CDH12: variants seen among roughly 807,000 people sequenced by gnomAD.
CDH12 encodes the protein cadherin-12.
A neutral mutation model predicts 74.1 loss-of-function variants in CDH12; 41 were observed. That is an observed-to-expected ratio of 0.55 (90% CI 0.43 to 0.72). CDH12 has a LOEUF of 0.72. Among genes scored for constraint, CDH12 ranks in the 30% least tolerant of loss-of-function variants. The probability of loss-of-function intolerance (pLI) is 0.00; values close to 1 mark genes in which losing one functional copy is unlikely to be tolerated. For synonymous variants in CDH12, 399 were observed against 355.0 expected (o/e 1.12, Z -1.39); for missense variants, 945 against 977.2 (o/e 0.97, Z 0.44).
At chr5:22,001,225 T>C (rs569649059) in intron 5 of CDH12, among the ~76,000 whole-genome samples, 30 of 152,282 alleles carry the variant, frequency 2.0e-4, no homozygotes, top group African/African-American at 6.7e-4. Flanking sequence ...TTTAACAGTT[T>C]CTTAGCCTTT....
intron 1 of CDH12, among the ~76,000 whole-genome samples, chr5:22,852,500 A>C (rs1737601773): frequency 6.6e-6 from 1 of 152,164 alleles, no homozygotes; most frequent in Non-Finnish European, 1.5e-5. Flanking sequence ...CATTTGTCCC[A>C]GATTAGTTTT....
At chr5:21,878,867 AAGAGAG>A (rs375246161) in intron 6 of CDH12, among the ~76,000 whole-genome samples, 18 of 151,022 alleles carry the variant, frequency 1.2e-4, no homozygotes, top group African/African-American at 4.4e-4. Flanking sequence ...GAAAGAAAGA[AAGAGAG>A]AGAAAGAAAG....
At chr5:22,278,240 A>G (rs952583520) in intron 3 of CDH12, among the ~76,000 whole-genome samples, 1 of 152,242 alleles carries the variant, frequency 6.6e-6, no homozygotes, top group Non-Finnish European at 1.5e-5. Context: ...AATAAAGCAT[A>G]GTCATAAGGC....
intron 1 of CDH12, among the ~76,000 whole-genome samples, chr5:22,684,739 G>A (rs887180406): frequency 4.6e-5 from 7 of 152,048 alleles, no homozygotes; most frequent in Admixed American, 6.6e-5. Context: ...TTGCAACATC[G>A]TTGTATACTA....
chr5:22,280,896 C>G (rs1345079843), intron 3 of CDH12, among the ~76,000 whole-genome samples: 2 of 152,068 alleles, frequency 1.3e-5, no homozygotes, highest in Non-Finnish European at 2.9e-5. Flanking sequence ...ATCCAGATAC[C>G]AAAGCCTGGC....
At chr5:22,799,884 T>A (rs1748421344) in intron 1 of CDH12, among the ~76,000 whole-genome samples, 1 of 152,152 alleles carries the variant, frequency 6.6e-6, no homozygotes, top group Non-Finnish European at 1.5e-5. Context: ...ACTGGAAAAT[T>A]AGTAAAAATT....
chr5:22,739,175 A>G (rs1744888250), intron 1 of CDH12, among the ~76,000 whole-genome samples: 1 of 152,026 alleles, frequency 6.6e-6, no homozygotes. Flanking sequence ...GTGTAATTGT[A>G]TTTTTAAATC....
At chr5:22,839,607 C>T (rs1243585175) in intron 1 of CDH12, among the ~76,000 whole-genome samples, 2 of 152,104 alleles carry the variant, frequency 1.3e-5, no homozygotes, top group Non-Finnish European at 2.9e-5. Flanking sequence ...CCTCCTGCCT[C>T]GGCCTCCCAA....
At chr5:22,765,603 A>G (rs1429100594) in intron 1 of CDH12, among the ~76,000 whole-genome samples, 2 of 151,964 alleles carry the variant, frequency 1.3e-5, no homozygotes, top group East Asian at 1.9e-4. Context: ...CAAGTGGTGC[A>G]TACACTTGGA....
chr5:21,960,710 TACACACACGCAC>T (rs1756319386), intron 6 of CDH12, among the ~76,000 whole-genome samples: 1 of 151,900 alleles, frequency 6.6e-6, no homozygotes, highest in African/African-American at 2.4e-5. Flanking sequence ...TACACACACA[TACACACACGCAC>T]ATACACACAC....
intron 1 of CDH12, among the ~76,000 whole-genome samples, chr5:22,651,003 T>A (rs975199541): frequency 2.0e-5 from 3 of 152,082 alleles, no homozygotes; most frequent in African/African-American, 7.2e-5. Context: ...TGTATTTCCA[T>A]GTTTAATATC....
At chr5:21,794,204 C>T (rs542037682) in intron 10 of CDH12, among the ~76,000 whole-genome samples, 2 of 151,540 alleles carry the variant, frequency 1.3e-5, no homozygotes, top group Non-Finnish European at 3.0e-5. Flanking sequence ...TGGGGATTAA[C>T]CTCTGTTGGC....
intron 6 of CDH12, among the ~76,000 whole-genome samples, chr5:21,933,709 T>C (rs1754947372): frequency 6.6e-6 from 1 of 152,120 alleles, no homozygotes; most frequent in Admixed American, 6.6e-5. Flanking sequence ...AATTAAGTGG[T>C]AGAAAGTACT....
chr5:22,416,378 A>G (rs1743393905), intron 2 of CDH12, among the ~76,000 whole-genome samples: 1 of 152,058 alleles, frequency 6.6e-6, no homozygotes, highest in Non-Finnish European at 1.5e-5. Flanking sequence ...CCCGGCCTGT[A>G]GGTCTTGATA....
rs143393191 is a variant in CDH12 at position 22,507,340 on chromosome 5, C to T, written c.-522-1976G>A. ...CTGAGTTAGCTCAATTATACCTATG[C>T]AAAAAATGTAATTTTTAATGAAATT... is the stretch of plus-strand genomic sequence containing the variant. On this transcript the variant is annotated intron_variant, in intron 1 of 14. Transcript: ENST00000382254. Among the ~76,000 whole-genome samples, 401 of 151,808 alleles carry T rather than the reference C, an allele frequency of 2.6e-3. 3 individuals carry two copies. Among genetic ancestry groups the T allele is most frequent in the African/African-American group, 9.1e-3 (379 of 41,454 alleles).
chr5:22,325,108 G>A (rs892905487), intron 3 of CDH12, among the ~76,000 whole-genome samples: 1 of 152,094 alleles, frequency 6.6e-6, no homozygotes, highest in Admixed American at 6.5e-5. Context: ...GTCGTGTTTT[G>A]GTGCTGGGTG....
At chr5:22,775,642 T>C (rs1441659329) in intron 1 of CDH12, among the ~76,000 whole-genome samples, 1 of 152,102 alleles carries the variant, frequency 6.6e-6, no homozygotes, top group Non-Finnish European at 1.5e-5. Flanking sequence ...TTGTGTAGAC[T>C]GACTTCATGA....
chr5:22,340,525 C>CAAAA (rs35157556), intron 3 of CDH12, among the ~76,000 whole-genome samples: 1 of 130,590 alleles, frequency 7.7e-6, no homozygotes, highest in African/African-American at 2.7e-5. Context: ...GACTCCGTCT[C>CAAAA]AAAAAAAAAA....
chr5:22,230,424 C>T (rs549200381), intron 3 of CDH12, among the ~76,000 whole-genome samples: 4 of 151,258 alleles, frequency 2.6e-5, no homozygotes, highest in East Asian at 3.9e-4. Flanking sequence ...TCATGTCAAA[C>T]GAGTCTTTGT....
Sources: gnomAD v4.1 joint callset for allele counts (sites outside exome capture counted in the v4.1 genomes callset) on GRCh38, gnomAD v4.1.1 for gene constraint, MANE v1.5 for transcripts, NCBI Gene and HGNC (gene_info 2026-07-23, HGNC 2026-07-21) for gene names.